MCC: variants seen among roughly 807,000 people sequenced by gnomAD.
MCC encodes the protein MCC regulator of Wnt signaling pathway.
Under a neutral mutation model 116.2 loss-of-function variants are expected in MCC, and 90 were observed. The ratio of observed to expected loss-of-function variants is 0.77; its 90% CI spans 0.65 to 0.92. The LOEUF (loss-of-function observed/expected upper bound fraction) is 0.92, where lower values mean the gene tolerates loss of function less well. Among genes scored for constraint, MCC ranks in the 40% least tolerant of loss-of-function variants. The probability of loss-of-function intolerance (pLI) is 0.00; values close to 1 mark genes in which losing one functional copy is unlikely to be tolerated. For synonymous variants in MCC, 578 were observed against 510.5 expected, an observed-to-expected ratio of 1.13 and a Z score of -1.78; for missense variants, 1,516 against 1,312.2, an observed-to-expected ratio of 1.16 and a Z score of -2.40.
intron 11 of MCC, among the ~76,000 whole-genome samples, chr5:113,074,470 G>A (rs1754274878): frequency 6.6e-6 from 1 of 152,224 alleles, no homozygotes; most frequent in Non-Finnish European, 1.5e-5. Context: ...AAATCAGAGT[G>A]CCTCTTCTCC....
chr5:113,441,962 C>T (rs1391029829), intron 1 of MCC, among the ~76,000 whole-genome samples: 1 of 152,192 alleles, frequency 6.6e-6, no homozygotes, highest in Non-Finnish European at 1.5e-5. Flanking sequence ...CATACATGTG[C>T]ATGTGTCTTT....
intron 6 of MCC, among the ~76,000 whole-genome samples, chr5:113,111,996 G>T (rs1457634997): frequency 6.6e-6 from 1 of 152,144 alleles, no homozygotes; most frequent in African/African-American, 2.4e-5. Flanking sequence ...AAACAAACAA[G>T]CCCTGTAAAA....
intron 1 of MCC, among the ~76,000 whole-genome samples, chr5:113,391,536 G>A (rs527576171): frequency 2.3e-4 from 35 of 152,212 alleles, no homozygotes; most frequent in Middle Eastern, 3.4e-3. Context: ...GCAACAAAGT[G>A]AGACATTGAT....
chr5:113,127,569 C>G (rs185504736), intron 5 of MCC, among the ~76,000 whole-genome samples: 1 of 152,250 alleles, frequency 6.6e-6, no homozygotes, highest in East Asian at 1.9e-4. Flanking sequence ...TGGTGTGTCA[C>G]TGTGGTTTTG....
At chr5:113,042,749 A>G (rs1309516612) in intron 17 of MCC, among the ~76,000 whole-genome samples, 3 of 151,752 alleles carry the variant, frequency 2.0e-5, no homozygotes, top group Non-Finnish European at 4.4e-5. Context: ...CTGAGGTGTA[A>G]AATACATACC....
chr5:113,074,520 C>A (rs1311337083), intron 11 of MCC, among the ~76,000 whole-genome samples: 2 of 152,168 alleles, frequency 1.3e-5, no homozygotes. Context: ...TGGAACAAAG[C>A]TGGACAGAGA....
intron 3 of MCC, among the ~76,000 whole-genome samples, chr5:113,221,699 A>G (rs1763557297): frequency 6.6e-6 from 1 of 152,210 alleles, no homozygotes; most frequent in African/African-American, 2.4e-5. Flanking sequence ...GGTCTTGTGG[A>G]CCTGACTGAG....
At chr5:113,083,108 G>C (rs1260329316) in intron 10 of MCC, 100 bp from the exon 11 acceptor site, 5 of 1,143,822 alleles carry the variant, frequency 4.4e-6, no homozygotes, top group Non-Finnish European at 6.1e-6. Flanking sequence ...TGAGAATCGG[G>C]GACTGGGAGG....
rs558140621 is a variant in MCC at position 113,346,665 on chromosome 5, A to AT, written c.416-5936dup. Reference sequence around the variant, plus strand: ...AACAACAAAAAGTTTATTGAAAGGGATAATATCAGAGAACTTCTCAAACCT... The same window carrying AT: ...AACAACAAAAAGTTTATTGAAAGGGATTAATATCAGAGAACTTCTCAAACCT... On this transcript the variant is annotated intron_variant, in intron 2 of 18. Transcript: ENST00000408903. Among the ~76,000 whole-genome samples, 24 of 152,244 alleles carry AT rather than the reference A, an allele frequency of 1.6e-4. No individual in the cohort carries two copies. In the East Asian group the frequency reaches 4.2e-3, roughly 27 times the overall value.
intron 2 of MCC, among the ~76,000 whole-genome samples, chr5:113,375,281 T>A (rs1304070111): frequency 6.6e-6 from 1 of 152,128 alleles, no homozygotes; most frequent in East Asian, 1.9e-4. Flanking sequence ...TGACAATGAT[T>A]CTCCTTTCTC....
chr5:113,219,964 T>C lies in MCC; in HGVS notation c.628-68542A>G, dbSNP rs1763477573. On this transcript the variant is annotated intron_variant, in intron 3 of 18. Coordinates refer to ENST00000408903, the MANE Select transcript of MCC (RefSeq NM_001085377.2). ...AACCCCTTATTGAAATTAGATAGTA[T>C]ACATCCTCCGGGTTCATTCTTTTTC... Among the ~76,000 whole-genome samples the C allele has an allele frequency of 4.6e-5, 7 of 151,832 alleles. 1 individual carries two copies. The South Asian group carries it at 1.5e-3, about 32-fold the overall frequency.
At chr5:113,199,820 T>C (rs1022865067) in intron 3 of MCC, among the ~76,000 whole-genome samples, 1 of 152,210 alleles carries the variant, frequency 6.6e-6, no homozygotes, top group South Asian at 2.1e-4. Context: ...TGCCTGACTT[T>C]CACAGGAATG....
chr5:113,427,437 A>C (rs564234270), intron 1 of MCC, among the ~76,000 whole-genome samples: 1 of 152,366 alleles, frequency 6.6e-6, no homozygotes, highest in South Asian at 2.1e-4. Flanking sequence ...ATTCAACTTA[A>C]TGGATCAGTA....
At chr5:113,039,560 G>A (rs1000227765) in intron 17 of MCC, among the ~76,000 whole-genome samples, 2 of 152,196 alleles carry the variant, frequency 1.3e-5, no homozygotes, top group African/African-American at 2.4e-5. Flanking sequence ...TAAACGAGTG[G>A]GCTCAGCTCA....
At chr5:113,482,905 T>C (rs1772415734) in intron 1 of MCC, among the ~76,000 whole-genome samples, 1 of 152,210 alleles carries the variant, frequency 6.6e-6, no homozygotes, top group Admixed American at 6.5e-5. Flanking sequence ...AAGTTTTTGA[T>C]ACATTTTGAG....
At chr5:113,256,613 T>TGTAGCATTTACTTGAA (rs1262253347) in intron 3 of MCC, among the ~76,000 whole-genome samples, 22 of 113,902 alleles carry the variant, frequency 1.9e-4, no homozygotes, top group Admixed American at 1.4e-3. Context: ...GGTAGACAGC[T>TGTAGCATTTACTTGAA]GTAGCATTTA....
At chr5:113,204,033 T>G (rs985118894) in intron 3 of MCC, among the ~76,000 whole-genome samples, 10 of 152,194 alleles carry the variant, frequency 6.6e-5, no homozygotes, top group Non-Finnish European at 1.3e-4. Context: ...CCGGCAATTT[T>G]TATCCCACTC....
intron 3 of MCC, among the ~76,000 whole-genome samples, chr5:113,252,715 T>C (rs1377795693): frequency 1.3e-5 from 2 of 152,224 alleles, no homozygotes; most frequent in Non-Finnish European, 1.5e-5. Context: ...TCCAGGAAAC[T>C]GGTCCCTGGT....
intron 1 of MCC, among the ~76,000 whole-genome samples, chr5:113,446,801 G>C (rs1009809830): frequency 2.0e-5 from 3 of 152,154 alleles, no homozygotes; most frequent in Admixed American, 2.0e-4. Context: ...GGGACTACTG[G>C]CAGGGAGGGA....
Sources: gnomAD v4.1 joint callset for allele counts (sites outside exome capture counted in the v4.1 genomes callset) on GRCh38, gnomAD v4.1.1 for gene constraint, MANE v1.5 for transcripts, NCBI Gene and HGNC (gene_info 2026-07-23, HGNC 2026-07-21) for gene names.